The following TRHDE variants were observed in gnomAD, a reference collection of about 807,000 sequenced individuals.
The protein encoded by TRHDE is thyrotropin releasing hormone degrading enzyme, also known as thyrotropin-releasing hormone-degrading ectoenzyme.
Under a neutral mutation model 125.7 loss-of-function variants are expected in TRHDE, and 72 were observed. The ratio of observed to expected loss-of-function variants is 0.57; its 90% CI spans 0.47 to 0.70. The LOEUF (loss-of-function observed/expected upper bound fraction) is 0.70, where lower values mean the gene tolerates loss of function less well. Among genes scored for constraint, TRHDE ranks in the 30% least tolerant of loss-of-function variants. The pLI is 0.00. For synonymous variants in TRHDE, 509 were observed against 509.1 expected (o/e 1.00, Z 0.00); for missense variants, 1,110 against 1,327.1 (o/e 0.84, Z 2.54).
At chr12:72,375,555 A>G (rs1871840312) in intron 2 of TRHDE, among the ~76,000 whole-genome samples, 1 of 152,186 alleles carries the variant, frequency 6.6e-6, no homozygotes, top group Admixed American at 6.5e-5. Flanking sequence ...AAAACCAGTG[A>G]CATTTGCTGT....
intron 7 of TRHDE, among the ~76,000 whole-genome samples, chr12:72,559,267 A>G (rs1870062933): frequency 6.6e-6 from 1 of 152,216 alleles, no homozygotes; most frequent in Non-Finnish European, 1.5e-5. Context: ...TTAACACTGT[A>G]TATTGAATCA....
At chr12:72,398,741 A>T (rs958202856) in intron 3 of TRHDE, among the ~76,000 whole-genome samples, 4 of 152,210 alleles carry the variant, frequency 2.6e-5, no homozygotes, top group African/African-American at 9.7e-5. Flanking sequence ...GAAGACAACA[A>T]ATGGAAGCAG....
At chr12:72,156,663 T>A (rs1416166303) in intron 2 of TRHDE, among the ~76,000 whole-genome samples, 2 of 152,168 alleles carry the variant, frequency 1.3e-5, no homozygotes, top group Non-Finnish European at 2.9e-5. Context: ...GGAGTTAGAG[T>A]TTATTCTGAG....
intron 2 of TRHDE, among the ~76,000 whole-genome samples, chr12:72,240,731 G>A (rs1328214712): frequency 6.6e-6 from 1 of 151,686 alleles, no homozygotes; most frequent in Non-Finnish European, 1.5e-5. Context: ...CACCATGCCC[G>A]GCTAATTTCT....
intron 2 of TRHDE, among the ~76,000 whole-genome samples, chr12:72,343,054 C>A (rs1247327283): frequency 1.3e-5 from 2 of 152,148 alleles, no homozygotes; most frequent in African/African-American, 4.8e-5. Flanking sequence ...GGCTACATAA[C>A]TAACTTTCAG....
chr12:72,473,209 T>C (rs747728431), intron 5 of TRHDE, 29 bp downstream of exon 5: 1 of 1,566,822 alleles, frequency 6.4e-7, no homozygotes, highest in Admixed American at 1.7e-5. Context: ...TTTGAAACTT[T>C]TAGTAAAAGG....
intron 2 of TRHDE, among the ~76,000 whole-genome samples, chr12:72,324,291 T>C (rs1253108977): frequency 2.0e-5 from 3 of 152,044 alleles, no homozygotes; most frequent in African/African-American, 2.4e-5. Context: ...TAAGTAAATG[T>C]GTCAGAGCCA....
At chr12:72,342,422 G>A (rs1041680100) in intron 2 of TRHDE, among the ~76,000 whole-genome samples, 1 of 152,020 alleles carries the variant, frequency 6.6e-6, no homozygotes, top group Non-Finnish European at 1.5e-5. Flanking sequence ...GAGATTCCTG[G>A]TATTTGCTAA....
At chr12:72,206,363 G>A (rs1877665710) in intron 2 of TRHDE, among the ~76,000 whole-genome samples, 1 of 152,124 alleles carries the variant, frequency 6.6e-6, no homozygotes, top group South Asian at 2.1e-4. Context: ...AAAGTGCTAG[G>A]ATTATAGGTG....
chr12:72,428,684 T>G (rs960482749), intron 3 of TRHDE, among the ~76,000 whole-genome samples: 7 of 152,128 alleles, frequency 4.6e-5, no homozygotes, highest in South Asian at 2.1e-4. Flanking sequence ...TTTTGGTATA[T>G]TCACAACATG....
In TRHDE at chr12:72,663,054, C is replaced by G; in HGVS notation, c.3069C>G (p.Leu1023=). 6.2e-7 allele frequency: 1 copy of G among 1,608,208 alleles called. No individual in the cohort carries two copies. Among genetic ancestry groups the G allele is most frequent in the Non-Finnish European group, 8.5e-7 (1 of 1,177,606 alleles). ...FLNTEGELKE[L]KNFMKNYDGV... ...CATTTAAAAATTTCTCTTTCCAGCT[C>G]AAGAACTTCATGAAAAACTATGATG... Residue 1023 remains leucine, a splice_region_variant and synonymous_variant, in exon 19 of 19, where the codon CTC becomes CTG. Transcript: ENST00000261180.
intron 3 of TRHDE, among the ~76,000 whole-genome samples, chr12:72,406,499 G>A (rs1008098441): frequency 2.0e-5 from 3 of 152,160 alleles, no homozygotes; most frequent in African/African-American, 7.2e-5. Context: ...TTAATAGGAG[G>A]TGAGTGGGGG....
At chr12:72,325,417 A>C (rs1869292735) in intron 2 of TRHDE, among the ~76,000 whole-genome samples, 1 of 152,176 alleles carries the variant, frequency 6.6e-6, no homozygotes, top group East Asian at 1.9e-4. Flanking sequence ...ACAAATGAAC[A>C]GTTCTGTTTA....
intron 7 of TRHDE, among the ~76,000 whole-genome samples, chr12:72,552,309 A>C (rs1356433201): frequency 1.3e-5 from 2 of 152,288 alleles, no homozygotes; most frequent in African/African-American, 2.4e-5. Flanking sequence ...GTTCATAGAA[A>C]TAGAGACATA....
chr12:72,501,598 A>T (rs2135938150), intron 6 of TRHDE, among the ~76,000 whole-genome samples: 1 of 152,156 alleles, frequency 6.6e-6, no homozygotes, highest in Admixed American at 6.5e-5. Context: ...TTTGCTAAAA[A>T]AATGTTTAGA....
chr12:72,339,837 C>T (rs1870000824), intron 2 of TRHDE, among the ~76,000 whole-genome samples: 1 of 152,176 alleles, frequency 6.6e-6, no homozygotes, highest in Non-Finnish European at 1.5e-5. Flanking sequence ...GAGTTCTCCA[C>T]TGGAAATTGC....
chr12:72,440,733 C>T (rs1401193435), intron 3 of TRHDE, among the ~76,000 whole-genome samples: 1 of 151,754 alleles, frequency 6.6e-6, no homozygotes, highest in African/African-American at 2.4e-5. Context: ...GGTACAAACC[C>T]CCCTGCTGTA....
chr12:72,468,760 C>T (rs1043094438), intron 3 of TRHDE, among the ~76,000 whole-genome samples: 1 of 152,234 alleles, frequency 6.6e-6, no homozygotes, highest in African/African-American at 2.4e-5. Flanking sequence ...CAATTCCCAG[C>T]CGCCACTGCC....
Position 72,333,640 on chromosome 12 carries a change from C to G in TRHDE, c.1189-44355C>G, listed in dbSNP as rs185424888. Among the ~76,000 whole-genome samples, 116 of 152,292 alleles carry G rather than the reference C, an allele frequency of 7.6e-4. 1 individual carries two copies. Among genetic ancestry groups the G allele is most frequent in the African/African-American group, 2.7e-3 (112 of 41,552 alleles). On this transcript the variant is annotated intron_variant, in intron 2 of 18. Coordinates refer to ENST00000261180, the MANE Select transcript of TRHDE (RefSeq NM_013381.3). ...ATAGACAAGAATGCATACATATGTCCTTAGTAAATCTTGTCTAATCCTCTT... is the reference window on the plus strand; with the variant it reads ...ATAGACAAGAATGCATACATATGTCGTTAGTAAATCTTGTCTAATCCTCTT...
Sources: allele counts gnomAD v4.1 joint callset (sites outside exome capture counted in the v4.1 genomes callset), GRCh38; gene constraint gnomAD v4.1.1; transcripts MANE v1.5; gene names NCBI Gene and HGNC (gene_info 2026-07-23, HGNC 2026-07-21).